ZGPAT: variants seen among roughly 807,000 people sequenced by gnomAD.
The protein encoded by ZGPAT is zinc finger CCCH-type and G-patch domain containing.
Under a neutral mutation model 47.9 loss-of-function variants are expected in ZGPAT, and 39 were observed. The observed-to-expected ratio is 0.81, with a 90% CI of 0.63 to 1.06. ZGPAT has a LOEUF of 1.06. Among genes scored for constraint, ZGPAT ranks in the 50% least tolerant of loss-of-function variants. ZGPAT has a pLI of 0.00. For synonymous variants in ZGPAT, 348 were observed against 292.9 expected, an observed-to-expected ratio of 1.19 and a Z score of -1.92; for missense variants, 717 against 681.4, an observed-to-expected ratio of 1.05 and a Z score of -0.58.
intron 2 of ZGPAT, among the ~76,000 whole-genome samples, chr20:63,730,728 C>T (rs889548498): frequency 2.0e-5 from 3 of 152,160 alleles, no homozygotes; most frequent in Non-Finnish European, 2.9e-5. Flanking sequence ...GTGATCCACC[C>T]GTCTCGGCCT....
intron 2 of ZGPAT, among the ~76,000 whole-genome samples, chr20:63,709,946 C>T (rs192690828): frequency 0.01 from 1,555 of 150,688 alleles, 28 homozygotes; most frequent in African/African-American, 0.036. Flanking sequence ...CTGCAAGCTC[C>T]GCCTCCCGGG....
chr20:63,709,312 C>A, intron 2 of ZGPAT, 148 bp downstream of exon 2: 1 of 864,476 alleles, frequency 1.2e-6, no homozygotes, highest in Non-Finnish European at 1.8e-6. Flanking sequence ...TGTGTTCAGG[C>A]GTCTACGTCT....
At chr20:63,714,979 AT>A (rs2091711435) in intron 2 of ZGPAT, among the ~76,000 whole-genome samples, 1 of 151,866 alleles carries the variant, frequency 6.6e-6, no homozygotes, top group African/African-American at 2.4e-5. Flanking sequence ...TTTCCTTTAG[AT>A]GATCATGTGT....
chr20:63,721,845 G>A (rs1037660882), intron 2 of ZGPAT, among the ~76,000 whole-genome samples: 11 of 151,966 alleles, frequency 7.2e-5, no homozygotes, highest in Non-Finnish European at 1.6e-4. Context: ...GTGAAGCCCC[G>A]TCTCTAGTAA....
chr20:63,710,319 ATT>A lies in ZGPAT; in HGVS notation c.584+1160_584+1161del, dbSNP rs917698015. ...AGGCGCCCGCCACCACACTGGGCTA[ATT>A]TTTTGTATTTTTAGTAGAGTCGGAG... On this transcript the variant is annotated intron_variant, in intron 2 of 6. Transcript: ENST00000355969. 1.6e-4 allele frequency among the ~76,000 whole-genome samples: 24 copies of A among 150,984 alleles called. No individual in the cohort carries two copies. In the Middle Eastern group the frequency reaches 0.027, roughly 171 times the overall value.
rs2091988015 is a variant in ZGPAT, at chr20:63,736,107, T to C, written c.*188T>C. The stretch of plus-strand genomic sequence containing the variant: ...CCTGCCAGTGTCTTGGGCATTTCCT[T>C]GGCAAGGACATTAAAGTGATTTCAT... On this transcript the variant is annotated 3_prime_UTR_variant, in exon 7 of 7. Coordinates refer to ENST00000355969, the MANE Select transcript of ZGPAT (RefSeq NM_181485.3). 1.0e-5 allele frequency: 8 copies of C among 779,998 alleles called. No homozygotes were observed. The highest frequency in any genetic ancestry group is 1.6e-5 in the Non-Finnish European group (8 of 491,098). The allele number at this position is 779,998 out of a possible 1,614,324, so 48.3% of individuals were successfully genotyped here.
In ZGPAT at chr20:63,720,541, G is replaced by A. The variant is rs144869236; in HGVS notation, c.584+11377G>A. 4.0e-3 allele frequency among the ~76,000 whole-genome samples: 608 copies of A among 152,040 alleles called. 3 individuals carry two copies. The highest frequency in any genetic ancestry group is 0.013 in the African/African-American group (521 of 41,448). ...ACCCTGGCACACTGCAGCCTTAACCGTCCAGGCTTAAGTGAGTCTCCCACC... is the reference window on the plus strand; with the variant it reads ...ACCCTGGCACACTGCAGCCTTAACCATCCAGGCTTAAGTGAGTCTCCCACC... On this transcript the variant is annotated intron_variant, in intron 2 of 6. Transcript: ENST00000355969.
chr20:63,735,098 C>A, intron 5 of ZGPAT, 61 bp from the exon 6 acceptor site: 2 of 1,465,454 alleles, frequency 1.4e-6, no homozygotes, highest in Non-Finnish European at 1.8e-6. Flanking sequence ...CTGCCATCCC[C>A]GTGCTCCTCA....
intron 2 of ZGPAT, among the ~76,000 whole-genome samples, chr20:63,716,766 C>T (rs1347327589): frequency 6.6e-6 from 1 of 152,154 alleles, no homozygotes; most frequent in East Asian, 1.9e-4. Context: ...ATTGCAACCT[C>T]CGACTCCCAG....
At position 63,736,016 on chromosome 20, in the gene ZGPAT, G is replaced by C; in HGVS notation, c.*97G>C. On this transcript the variant is annotated 3_prime_UTR_variant, in exon 7 of 7. Transcript: ENST00000355969. Reference sequence around the variant, plus strand: ...CGAGGAGGGGCCGGCCTGCTGGCCTGGGGCGTGCAGACACTGCTGAGTGGA... The same window carrying C: ...CGAGGAGGGGCCGGCCTGCTGGCCTCGGGCGTGCAGACACTGCTGAGTGGA... The C allele has an allele frequency of 1.3e-6, 2 of 1,513,350 alleles. No homozygotes were observed. The highest frequency in any genetic ancestry group is 1.3e-5 in the South Asian group (1 of 77,244). 93.7% of individuals were successfully genotyped at this position (1,513,350 alleles called of 1,614,324 possible).
rs759805838 is a variant in ZGPAT at position 63,735,435 on chromosome 20, A to G, written c.1268A>G (p.Asp423Gly). The change falls in exon 6 of 7, where the codon GAC becomes GGC. Residue 423 changes from aspartate to glycine, a missense_variant. Physicochemically the swap from Asp to Gly is moderately conservative, Grantham distance 94. Coordinates refer to ENST00000355969, the MANE Select transcript of ZGPAT (RefSeq NM_181485.3). Reference protein sequence around the residue: ...GAAPAGRRSKDMYHASKSAKR... With the variant: ...GAAPAGRRSKGMYHASKSAKR... ...GCCCCAGCGGGGAGGAGGAGCAAGG[A>G]CATGTACCATGCCAGCAAGAGTGCC... 6.3e-7 allele frequency: 1 copy of G among 1,575,470 alleles called. No homozygotes were observed. Among genetic ancestry groups the G allele is most frequent in the Non-Finnish European group, 8.6e-7 (1 of 1,163,992 alleles).
chr20:63,715,452 G>T (rs998286141), intron 2 of ZGPAT, among the ~76,000 whole-genome samples: 9 of 151,896 alleles, frequency 5.9e-5, no homozygotes, highest in Non-Finnish European at 2.9e-5. Context: ...TGTTGGACAG[G>T]CTGGTCTTGC....
At chr20:63,714,247 G>A (rs7348584) in intron 2 of ZGPAT, among the ~76,000 whole-genome samples, 1,583 of 151,968 alleles carry the variant, frequency 0.01, 32 homozygotes, top group African/African-American at 0.036. Context: ...CCAACACGGC[G>A]AAACCCCATC....
chr20:63,712,689 A>T (rs981063112), intron 2 of ZGPAT, among the ~76,000 whole-genome samples: 2 of 152,168 alleles, frequency 1.3e-5, no homozygotes, highest in African/African-American at 4.8e-5. Context: ...TGAGGTCAGG[A>T]GTTCAAGACC....
Position 63,719,654 on chromosome 20 carries a change from C to T in ZGPAT, c.584+10490C>T, listed in dbSNP as rs141446483. Among the ~76,000 whole-genome samples, 3 of 151,806 alleles carry T rather than the reference C, an allele frequency of 2.0e-5. No homozygotes were observed. The East Asian group carries it at 5.8e-4, about 29-fold the overall frequency. The stretch of plus-strand genomic sequence containing the variant: ...GTAATTATCACTTTACTAGTATTCT[C>T]TATTTGGTTAGACATGGTTCTTTTG... On this transcript the variant is annotated intron_variant, in intron 2 of 6. Coordinates refer to ENST00000355969, the MANE Select transcript of ZGPAT (RefSeq NM_181485.3).
intron 4 of ZGPAT, 111 bp downstream of exon 4, chr20:63,733,850 T>C: frequency 7.0e-7 from 1 of 1,434,640 alleles, no homozygotes; most frequent in Non-Finnish European, 9.3e-7. Flanking sequence ...AGTGTGTGAC[T>C]GCGGCGAGGG....
At chr20:63,709,450 C>G (rs2091630365) in intron 2 of ZGPAT, among the ~76,000 whole-genome samples, 2 of 152,228 alleles carry the variant, frequency 1.3e-5, no homozygotes, top group South Asian at 4.1e-4. Flanking sequence ...CCACGCTGGT[C>G]AACATGGTGA....
chr20:63,710,829 T>C (rs1474909429), intron 2 of ZGPAT, among the ~76,000 whole-genome samples: 1 of 152,246 alleles, frequency 6.6e-6, no homozygotes, highest in African/African-American at 2.4e-5. Flanking sequence ...TAATACCTCT[T>C]CCATATTCAA....
intron 4 of ZGPAT, 21 bp from the exon 5 acceptor site, chr20:63,734,684 C>T: frequency 1.2e-6 from 2 of 1,612,636 alleles, no homozygotes; most frequent in East Asian, 4.5e-5. Flanking sequence ...CAGTCCTCTG[C>T]CCTCTGTCCG....
Sources: allele counts gnomAD v4.1 joint callset (sites outside exome capture counted in the v4.1 genomes callset), GRCh38; gene constraint gnomAD v4.1.1; transcripts MANE v1.5; gene names NCBI Gene and HGNC (gene_info 2026-07-23, HGNC 2026-07-21).